Variants in TRIM2 observed in about 807,000 individuals in gnomAD.
The protein encoded by TRIM2 is tripartite motif containing 2, also known as tripartite motif-containing protein 2.
A neutral mutation model predicts 75.2 loss-of-function variants in TRIM2; 20 were observed. The ratio of observed to expected loss-of-function variants is 0.27; its 90% CI spans 0.19 to 0.39. TRIM2 has a LOEUF of 0.39. Among genes scored for constraint, TRIM2 ranks in the 10% least tolerant of loss-of-function variants. The pLI is 1.00. For missense variants in TRIM2, 660 were observed against 990.8 expected, an observed-to-expected ratio of 0.67 and a Z score of 4.48; for synonymous variants, 373 against 388.3, an observed-to-expected ratio of 0.96 and a Z score of 0.46.
intron 6 of TRIM2, chr4:153,308,811 G>T (rs553081227): frequency 3.6e-5 from 16 of 439,462 alleles, no homozygotes; most frequent in African/African-American, 2.4e-4. Flanking sequence ...GTCCCCAGAT[G>T]CTGAGCTGAA....
intron 1 of TRIM2, among the ~76,000 whole-genome samples, chr4:153,168,610 A>T (rs1213602862): frequency 1.3e-5 from 2 of 152,134 alleles, no homozygotes; most frequent in Non-Finnish European, 2.9e-5. Context: ...AAATAACTCG[A>T]AACATTTTTT....
At position 153,158,122 on chromosome 4, in the gene TRIM2, A is replaced by G. The variant is rs529952899; in HGVS notation, c.-49+4852A>G. Among the ~76,000 whole-genome samples, 8 of 152,316 alleles carry G rather than the reference A, an allele frequency of 5.3e-5. No homozygotes were observed. The East Asian group carries it at 9.6e-4, about 18-fold the overall frequency. ...GCTCTTTCTTTTTGACAAATTGACT[A>G]CTTAACGGAAGATCTACTTAAGTGT... is the stretch of plus-strand genomic sequence containing the variant. On this transcript the variant is annotated intron_variant, in intron 1 of 11. Coordinates refer to the TRIM2 transcript ENST00000437508.
intron 1 of TRIM2, among the ~76,000 whole-genome samples, chr4:153,190,139 C>G (rs1041674777): frequency 6.6e-6 from 1 of 152,172 alleles, no homozygotes; most frequent in Non-Finnish European, 1.5e-5. Flanking sequence ...TGGTGAGTTA[C>G]AGTTAGTTTC....
intron 11 of TRIM2, among the ~76,000 whole-genome samples, chr4:153,334,595 CT>C (rs1319547158): frequency 3.3e-5 from 5 of 151,936 alleles, no homozygotes; most frequent in African/African-American, 1.2e-4. Context: ...TATCTTAGCA[CT>C]TTGGGAGGCT....
rs1038603025 is a variant in TRIM2, at chr4:153,248,107, T to A, written c.31-22228T>A. On this transcript the variant is annotated intron_variant, in intron 1 of 11. Coordinates refer to ENST00000338700, the MANE Select transcript of TRIM2 (RefSeq NM_015271.5). This position sits in a 1 kb window ranked among gnomAD's most constrained non-coding sequence, Gnocchi z 4.0. The stretch of plus-strand genomic sequence containing the variant: ...GCCTCTGGGATTCAAGCGATTCTTG[T>A]GCTTCAGCCTCCTGAATAGCTGGGA... Among the ~76,000 whole-genome samples, 15 of 151,822 alleles carry A rather than the reference T, an allele frequency of 9.9e-5. No individual in the cohort carries two copies. The highest frequency in any genetic ancestry group is 3.6e-4 in the African/African-American group (15 of 41,276).
At chr4:153,169,303 C>T (rs1218353682) in intron 1 of TRIM2, among the ~76,000 whole-genome samples, 1 of 152,220 alleles carries the variant, frequency 6.6e-6, no homozygotes, top group East Asian at 1.9e-4. Flanking sequence ...AGAAACTTTG[C>T]TGTGACTGAC....
At chr4:153,198,573 C>T (rs977541622) in intron 1 of TRIM2, among the ~76,000 whole-genome samples, 6 of 152,208 alleles carry the variant, frequency 3.9e-5, no homozygotes, top group Non-Finnish European at 8.8e-5. Flanking sequence ...CGGACTAGTA[C>T]ACCATTCATC....
In TRIM2 at chr4:153,227,314, C is replaced by T. The variant is rs74948612; in HGVS notation, c.30+22754C>T. 2.9e-4 allele frequency among the ~76,000 whole-genome samples: 44 copies of T among 152,288 alleles called. 1 individual carries two copies. The East Asian group carries it at 8.5e-3, about 29-fold the overall frequency. On this transcript the variant is annotated intron_variant, in intron 1 of 11. Coordinates refer to ENST00000338700, the MANE Select transcript of TRIM2 (RefSeq NM_015271.5). ...CCTAAAATGTCCTCTCCTCAGCTACCAGACAATTCAACAGTGGCCCTGGGT... is the reference window on the plus strand; with the variant it reads ...CCTAAAATGTCCTCTCCTCAGCTACTAGACAATTCAACAGTGGCCCTGGGT...
At chr4:153,266,603 A>G (rs1231587036) in intron 1 of TRIM2, among the ~76,000 whole-genome samples, 1 of 150,374 alleles carries the variant, frequency 6.7e-6, no homozygotes, top group Non-Finnish European at 1.5e-5. Flanking sequence ...GACCTCCCAA[A>G]GTGCTGGGAT....
chr4:153,257,330 C>T, intron 1 of TRIM2: 1 of 907,394 alleles, frequency 1.1e-6, no homozygotes, highest in Non-Finnish European at 1.4e-6. Context: ...CTCATTGCAG[C>T]TCGCTGCTGC....
chr4:153,155,075 G>A (rs934396285), intron 1 of TRIM2, among the ~76,000 whole-genome samples: 1 of 151,626 alleles, frequency 6.6e-6, no homozygotes, highest in Admixed American at 6.6e-5. Flanking sequence ...AGGAGGCAGA[G>A]GTTGCAGTGA....
At chr4:153,313,627 C>CTTTTTTTTTTTTTTTTTTTTTT (rs398051309) in intron 6 of TRIM2, among the ~76,000 whole-genome samples, 1 of 98,528 alleles carries the variant, frequency 1.0e-5, no homozygotes, top group African/African-American at 4.5e-5. Context: ...AGCAATGGCT[C>CTTTTTTTTTTTTTTTTTTTTTT]TTTTTTTTTT....
chr4:153,283,168 G>A (rs1579317825), intron 3 of TRIM2, among the ~76,000 whole-genome samples: 1 of 152,050 alleles, frequency 6.6e-6, no homozygotes, highest in African/African-American at 2.4e-5. Flanking sequence ...ATTTCAGAAC[G>A]TATTCATCAC....
chr4:153,262,395 C>G (rs1359059621), intron 1 of TRIM2, among the ~76,000 whole-genome samples: 2 of 152,158 alleles, frequency 1.3e-5, no homozygotes, highest in Non-Finnish European at 1.5e-5. Context: ...TCTTCACTTC[C>G]TGGATGGAAT....
Position 153,336,615 on chromosome 4 carries a change from C to G in TRIM2, c.*1649C>G. 1 of 985,668 alleles carries G rather than the reference C, an allele frequency of 1.0e-6. No individual in the cohort carries two copies. 61.1% of individuals were successfully genotyped at this position (985,668 alleles called of 1,614,324 possible). ...TTTGGGGTCTTCTTCACTGAAAGCA[C>G]CTTAGAACTGTACTATAAGAAAACA... On this transcript the variant is annotated 3_prime_UTR_variant, in exon 12 of 12. Transcript: ENST00000338700.
chr4:153,240,307 C>T (rs1353375112), intron 1 of TRIM2, among the ~76,000 whole-genome samples: 3 of 152,166 alleles, frequency 2.0e-5, no homozygotes, highest in African/African-American at 7.2e-5. Flanking sequence ...TTGCAAATAC[C>T]TGAAGCCAGG....
At chr4:153,257,040 T>G (rs1213323720) in intron 1 of TRIM2, among the ~76,000 whole-genome samples, 2 of 152,252 alleles carry the variant, frequency 1.3e-5, no homozygotes, top group East Asian at 3.8e-4. Context: ...CACGCAAAGC[T>G]CTTCTCTAAA....
At chr4:153,201,631 G>A (rs900404794), upstream of TRIM2, among the ~76,000 whole-genome samples, 1 of 152,048 alleles carries the variant, frequency 6.6e-6, no homozygotes, top group Non-Finnish European at 1.5e-5. Flanking sequence ...AAGCTGCAGT[G>A]AGCTATGAAG....
intron 1 of TRIM2, among the ~76,000 whole-genome samples, chr4:153,232,283 C>A (rs987211618): frequency 6.6e-6 from 1 of 152,056 alleles, no homozygotes; most frequent in Non-Finnish European, 1.5e-5. Flanking sequence ...GAGGCCGAGG[C>A]AGGCAGATGG....
Sources: gnomAD v4.1 joint callset for allele counts (sites outside exome capture counted in the v4.1 genomes callset) on GRCh38, gnomAD v4.1.1 for gene constraint, Gnocchi (gnomAD v3.1) non-coding constraint, MANE v1.5 for transcripts, NCBI Gene and HGNC (gene_info 2026-07-23, HGNC 2026-07-21) for gene names.